TMEM65: variants seen among roughly 807,000 people sequenced by gnomAD.
TMEM65 encodes transmembrane protein 65.
TMEM65 carries 22 observed loss-of-function variants against 25.4 expected under a neutral mutation model. The ratio of observed to expected loss-of-function variants is 0.86; its 90% CI spans 0.62 to 1.23. The LOEUF (loss-of-function observed/expected upper bound fraction) is 1.23. TMEM65 is among the 50% of genes most tolerant of loss of function. The pLI is 0.00. For synonymous variants in TMEM65, 132 were observed against 126.2 expected (o/e 1.05, Z -0.31); for missense variants, 262 against 308.2 (o/e 0.85, Z 1.12).
intron 1 of TMEM65, among the ~76,000 whole-genome samples, chr8:124,369,426 C>A (rs1369558881): frequency 1.3e-5 from 2 of 152,164 alleles, no homozygotes; most frequent in African/African-American, 2.4e-5. Context: ...GATATTTTTT[C>A]AGTAACATTT....
At chr8:124,345,008 A>G (rs1157949353) in intron 1 of TMEM65, among the ~76,000 whole-genome samples, 1 of 152,192 alleles carries the variant, frequency 6.6e-6, no homozygotes, top group African/African-American at 2.4e-5. Context: ...CAAAATTGAG[A>G]GACTGATCAA....
At chr8:124,345,734 A>ATTAT (rs146382797) in intron 1 of TMEM65, among the ~76,000 whole-genome samples, 13,266 of 150,190 alleles carry the variant, frequency 0.088, 1,196 homozygotes, top group African/African-American at 0.23. Context: ...AAGGAGGTTT[A>ATTAT]TTATTTATTT....
At position 124,332,116 on chromosome 8, in the gene TMEM65, T is replaced by C. The variant is rs1388687522; in HGVS notation, c.305-1324A>G. Among the ~76,000 whole-genome samples, 6 of 152,198 alleles carry C rather than the reference T, an allele frequency of 3.9e-5. No individual in the cohort carries two copies. In the South Asian group the frequency reaches 8.3e-4, roughly 21 times the overall value. On this transcript the variant is annotated intron_variant, in intron 1 of 6. Coordinates refer to ENST00000297632, the MANE Select transcript of TMEM65 (RefSeq NM_194291.3). ...CAGAATTTCACATCTGATTAAAATA[T>C]ATTCTTATTTTTGATTAGCATCATT...
At chr8:124,349,310 T>C (rs1345772554) in intron 1 of TMEM65, among the ~76,000 whole-genome samples, 1 of 151,346 alleles carries the variant, frequency 6.6e-6, no homozygotes, top group Non-Finnish European at 1.5e-5. Context: ...TTTCCCCTCA[T>C]AAAATGTAAT....
rs1407555197 is a variant in TMEM65, at chr8:124,307,415, C to CAG, written c.*6544_*6545insCT. The CAG allele has an allele frequency of 2.0e-5, 3 of 151,884 alleles. No individual in the cohort carries two copies. The highest frequency in any genetic ancestry group is 2.9e-5 in the Non-Finnish European group (2 of 67,994). The allele number at this position is 151,884 out of a possible 1,614,324, so 9.4% of individuals were successfully genotyped here. ...CTGGTCTGCAGCTGTAGTTGCCCAT[C>CAG]CTTCAAGATAAATGAATCCAGCATA... On this transcript the variant is annotated 3_prime_UTR_variant, in exon 7 of 7. Transcript: ENST00000297632.
At position 124,330,785 on chromosome 8, in the gene TMEM65, C is replaced by T. The variant is rs772631622; in HGVS notation, c.312G>A (p.Leu104=). 1.9e-6 allele frequency: 3 copies of T among 1,577,150 alleles called. No individual in the cohort carries two copies. The East Asian group carries it at 7.3e-5, about 38-fold the overall frequency. ...FESIAIAQEK[L]EAPPPTPGQL... is the part of the protein sequence containing the mutation. Reference sequence around the variant, plus strand: ...GTCCTGGGGTGGGTGGTGGAGCTTCCAATTTTTCTAAAGGGGAGAAAAAGG... The same window carrying T: ...GTCCTGGGGTGGGTGGTGGAGCTTCTAATTTTTCTAAAGGGGAGAAAAAGG... Residue 104 remains leucine (L), a synonymous_variant, in exon 2 of 7, where the codon TTG becomes TTA. Transcript: ENST00000297632.
Position 124,367,734 on chromosome 8 carries a change from A to G in TMEM65, c.304+4120T>C, listed in dbSNP as rs549507773. Among the ~76,000 whole-genome samples, 602 of 152,300 alleles carry G rather than the reference A, an allele frequency of 4.0e-3. 2 individuals are homozygous for G. The highest frequency in any genetic ancestry group is 5.5e-3 in the Non-Finnish European group (375 of 68,020). On this transcript the variant is annotated intron_variant, in intron 1 of 6. Coordinates refer to ENST00000297632, the MANE Select transcript of TMEM65 (RefSeq NM_194291.3). ...AACAAAGCTCTTCACCCTACCTTAA[A>G]CAATCACAAAAAATGGGGGACTACA...
chr8:124,321,542 T>C (rs1171484622), intron 5 of TMEM65, among the ~76,000 whole-genome samples: 1 of 152,104 alleles, frequency 6.6e-6, no homozygotes, highest in African/African-American at 2.4e-5. Context: ...TCCTGCCACA[T>C]AAAGTAAAGA....
chr8:124,337,778 G>T (rs1333039035), intron 1 of TMEM65, among the ~76,000 whole-genome samples: 1 of 152,038 alleles, frequency 6.6e-6, no homozygotes, highest in East Asian at 1.9e-4. Context: ...CTTTGACTCC[G>T]CATTTTAGTC....
intron 1 of TMEM65, among the ~76,000 whole-genome samples, chr8:124,338,833 C>T (rs1027936373): frequency 1.3e-5 from 2 of 152,046 alleles, no homozygotes. Context: ...TGGCCTAAAG[C>T]TGCCTGAGTA....
At chr8:124,360,321 T>C (rs1814843156) in intron 1 of TMEM65, among the ~76,000 whole-genome samples, 1 of 149,080 alleles carries the variant, frequency 6.7e-6, no homozygotes, top group African/African-American at 2.5e-5. Flanking sequence ...CCCCAGCTAC[T>C]CAGGATGCTG....
Position 124,308,081 on chromosome 8 carries a change from ACAAGAAGGCCTG to A in TMEM65, c.*5867_*5878del, listed in dbSNP as rs1458568811. On this transcript the variant is annotated 3_prime_UTR_variant, in exon 7 of 7. Coordinates refer to ENST00000297632, the MANE Select transcript of TMEM65 (RefSeq NM_194291.3). ...CAGCTGCCAGTCTTCTGGCAGTATA[ACAAGAAGGCCTG>A]GACGACAAGAACCCTTTTTCTGGAT... is the stretch of plus-strand genomic sequence containing the variant. 6.6e-6 allele frequency: 1 copy of A among 152,136 alleles called. No homozygotes were observed. Among genetic ancestry groups the A allele is most frequent in the Non-Finnish European group, 1.5e-5 (1 of 68,044 alleles). The allele number at this position is 152,136 out of a possible 1,614,324, so 9.4% of individuals were successfully genotyped here.
chr8:124,317,405 G>T (rs942050717), intron 6 of TMEM65, among the ~76,000 whole-genome samples: 3 of 152,092 alleles, frequency 2.0e-5, no homozygotes, highest in African/African-American at 7.2e-5. Context: ...TATATCAAGA[G>T]GAATTGGTTA....
intron 1 of TMEM65, among the ~76,000 whole-genome samples, chr8:124,331,542 G>A (rs1437275234): frequency 6.6e-6 from 1 of 151,404 alleles, no homozygotes; most frequent in African/African-American, 2.4e-5. Flanking sequence ...GTTTTCCCAA[G>A]TATAAGCCAG....
intron 1 of TMEM65, among the ~76,000 whole-genome samples, chr8:124,360,162 G>A (rs544149884): frequency 6.6e-6 from 1 of 152,150 alleles, no homozygotes; most frequent in Admixed American, 6.5e-5. Context: ...CAGGCACAGT[G>A]GCACACGCCT....
Position 124,320,190 on chromosome 8 carries a change from G to C in TMEM65, c.517C>G (p.Leu173Val). 2.5e-6 allele frequency: 4 copies of C among 1,610,494 alleles called. No individual in the cohort carries two copies. Among genetic ancestry groups the C allele is most frequent in the Non-Finnish European group, 3.4e-6 (4 of 1,177,618 alleles). The change falls in exon 6 of 7, where the codon CTT becomes GTT. Residue 173 changes from leucine to valine, a missense_variant and splice_region_variant. Physicochemically the swap from Leu to Val is conservative, Grantham distance 32 (BLOSUM62 1). Transcript: ENST00000297632. Reference protein sequence around the residue: ...NLVSDLAGLGLAGYVEALASR... With the variant: ...NLVSDLAGLGVAGYVEALASR... ...GCCAATGCTTCAACGTAGCCTGCAA[G>C]TCTTTGAAGAAACAAGACAATATGA...
intron 1 of TMEM65, among the ~76,000 whole-genome samples, chr8:124,338,041 G>A (rs1814533240): frequency 1.3e-5 from 2 of 151,806 alleles, no homozygotes; most frequent in Non-Finnish European, 2.9e-5. Context: ...TCAGAAAAGC[G>A]AAAAGAAACT....
rs111786328 is a variant in TMEM65 at position 124,327,156 on chromosome 8, C to T, written c.417+198G>A. Among the ~76,000 whole-genome samples, 315 of 151,942 alleles carry T rather than the reference C, an allele frequency of 2.1e-3. 3 individuals are homozygous for T. Among genetic ancestry groups the T allele is most frequent in the African/African-American group, 7.2e-3 (297 of 41,484 alleles). ...TACCAAAAGTCTATTTGTCTAAATG[C>T]TTTACCTAAAGTCTTAATGATTAAT... On this transcript the variant is annotated intron_variant, in intron 3 of 6. Transcript: ENST00000297632.
intron 1 of TMEM65, among the ~76,000 whole-genome samples, chr8:124,365,126 C>A (rs928061206): frequency 1.3e-5 from 2 of 152,126 alleles, no homozygotes; most frequent in African/African-American, 4.8e-5. Context: ...ATTTTCCTAT[C>A]CACAAATTTG....
Sources: allele counts gnomAD v4.1 joint callset (sites outside exome capture counted in the v4.1 genomes callset), GRCh38; gene constraint gnomAD v4.1.1; transcripts MANE v1.5; gene names NCBI Gene and HGNC (gene_info 2026-07-23, HGNC 2026-07-21).